Variants in N4BP2L2 observed in about 807,000 individuals in gnomAD.
The protein encoded by N4BP2L2 is NEDD4 binding protein 2 like 2.
N4BP2L2 carries 50 observed loss-of-function variants against 56.2 expected under a neutral mutation model. The ratio of observed to expected loss-of-function variants is 0.89; its 90% CI spans 0.71 to 1.13. The LOEUF (loss-of-function observed/expected upper bound fraction) is 1.13, where lower values mean the gene tolerates loss of function less well. Among genes scored for constraint, N4BP2L2 ranks in the 50% most tolerant of loss-of-function variants. The pLI is 0.00. For missense variants in N4BP2L2, 689 were observed against 693.8 expected (o/e 0.99, Z 0.08); for synonymous variants, 203 against 223.6 (o/e 0.91, Z 0.82).
chr13:32,486,606 G>C (rs574024409), intron 6 of N4BP2L2, among the ~76,000 whole-genome samples: 46 of 152,028 alleles, frequency 3.0e-4, no homozygotes, highest in Non-Finnish European at 5.1e-4. Context: ...AACCCGGGAG[G>C]CAAAAGTTGC....
intron 6 of N4BP2L2, chr13:32,477,901 AAGG>A: frequency 7.8e-7 from 1 of 1,289,396 alleles, no homozygotes; most frequent in Non-Finnish European, 1.0e-6. Context: ...CAAGAGATCA[AAGG>A]TTGAGAAAGT....
At chr13:32,460,877 A>G (rs1004653475) in intron 6 of N4BP2L2, among the ~76,000 whole-genome samples, 1 of 152,214 alleles carries the variant, frequency 6.6e-6, no homozygotes, top group African/African-American at 2.4e-5. Flanking sequence ...ATAAGGCTAT[A>G]GTAACCAAAA....
intron 6 of N4BP2L2, among the ~76,000 whole-genome samples, chr13:32,467,852 T>C (rs2081514168): frequency 6.6e-6 from 1 of 151,058 alleles, no homozygotes; most frequent in South Asian, 2.1e-4. Context: ...TATCTGGGCA[T>C]GGTGGCGGGT....
chr13:32,518,745 G>A (rs1016995192), intron 5 of N4BP2L2, among the ~76,000 whole-genome samples: 2 of 152,186 alleles, frequency 1.3e-5, no homozygotes, highest in African/African-American at 4.8e-5. Flanking sequence ...AATGCAAAGA[G>A]CTTCTGAGAT....
chr13:32,511,160 G>C (rs893797130), exon 6 of N4BP2L2: 2 of 152,138 alleles, frequency 1.3e-5, no homozygotes, highest in African/African-American at 2.4e-5. Flanking sequence ...ATTAATGACT[G>C]TAACAATCAC....
At chr13:32,466,471 G>A (rs1346058577) in intron 6 of N4BP2L2, among the ~76,000 whole-genome samples, 2 of 151,972 alleles carry the variant, frequency 1.3e-5, no homozygotes, top group African/African-American at 4.8e-5. Flanking sequence ...AGAGGCTGAG[G>A]CACAAGAATC....
At chr13:32,481,117 T>C (rs1230189263) in intron 6 of N4BP2L2, among the ~76,000 whole-genome samples, 2 of 9,504 alleles carry the variant, frequency 2.1e-4, no homozygotes, top group African/African-American at 7.5e-4. Flanking sequence ...AGACTCTGTC[T>C]CAAAAAAAAA....
chr13:32,488,106 C>G (rs1354673638), intron 6 of N4BP2L2, among the ~76,000 whole-genome samples: 2 of 152,152 alleles, frequency 1.3e-5, no homozygotes, highest in African/African-American at 4.8e-5. Flanking sequence ...ACACATGGAA[C>G]TAGGCTTAAA....
At chr13:32,484,820 C>A (rs1413749207) in intron 6 of N4BP2L2, among the ~76,000 whole-genome samples, 1 of 152,156 alleles carries the variant, frequency 6.6e-6, no homozygotes, top group African/African-American at 2.4e-5. Flanking sequence ...AAAATACAAT[C>A]TTGCCTTCAT....
chr13:32,472,330 G>C (rs536619086), intron 6 of N4BP2L2, among the ~76,000 whole-genome samples: 1 of 152,316 alleles, frequency 6.6e-6, no homozygotes, highest in African/African-American at 2.4e-5. Flanking sequence ...TCAATACTAA[G>C]AAGATTCCAC....
intron 6 of N4BP2L2, among the ~76,000 whole-genome samples, chr13:32,496,169 G>GA (rs1566125838): frequency 6.6e-6 from 1 of 151,162 alleles, no homozygotes. Context: ...TATTACTTCT[G>GA]AAAAAAGGCA....
chr13:32,442,820 G>C (rs1331134969), exon 7 of N4BP2L2: 2 of 1,613,578 alleles, frequency 1.2e-6, no homozygotes, highest in African/African-American at 2.7e-5. Flanking sequence ...GAATAACGCT[G>C]TCCATCAATA....
downstream of N4BP2L2, chr13:32,505,397 G>A (rs1213178800): frequency 2.0e-5 from 3 of 152,290 alleles, no homozygotes; most frequent in East Asian, 5.8e-4. Context: ...GGAAATGGTT[G>A]TCTTGCAACA....
chr13:32,533,350 A>G (rs576510534), intron 2 of N4BP2L2, among the ~76,000 whole-genome samples: 80 of 151,850 alleles, frequency 5.3e-4, no homozygotes, highest in Non-Finnish European at 9.4e-4. Flanking sequence ...CTCTCTCAGA[A>G]TATCATCCGA....
chr13:32,478,617 T>C (rs958909078), intron 6 of N4BP2L2: 5 of 152,822 alleles, frequency 3.3e-5, no homozygotes, highest in Non-Finnish European at 7.3e-5. Context: ...CTGGCTCTAC[T>C]GCAAAGGGGC....
chr13:32,446,612 A>C (rs2077088807), intron 6 of N4BP2L2: 1 of 1,031,292 alleles, frequency 9.7e-7, no homozygotes, highest in South Asian at 1.5e-5. Context: ...TAATGCACTT[A>C]ATGTATAGTC....
chr13:32,525,843 T>C (rs2052569088), intron 3 of N4BP2L2, among the ~76,000 whole-genome samples: 1 of 152,072 alleles, frequency 6.6e-6, no homozygotes, highest in Admixed American at 6.6e-5. Context: ...ATAACTAAAC[T>C]AAAAATCATC....
exon 2 of N4BP2L2, chr13:32,536,972 C>T: frequency 1.2e-6 from 2 of 1,608,870 alleles, no homozygotes; most frequent in Non-Finnish European, 1.7e-6. Flanking sequence ...GCGTGGCTCA[C>T]TCGTTACTTC....
Position 32,491,565 on chromosome 13 carries a change from T to C in N4BP2L2, c.365+26292A>G, listed in dbSNP as rs1184148395. Among the ~76,000 whole-genome samples, 7 of 147,406 alleles carry C rather than the reference T, an allele frequency of 4.7e-5. No homozygotes were observed. The South Asian group carries it at 8.3e-4, about 18-fold the overall frequency. On this transcript the variant is annotated intron_variant, in intron 6 of 9. Transcript: ENST00000357505. ...TATATACTATATATAAACTATACTA[T>C]ATATAAACTATATATAAATTATATA...
Sources: allele counts gnomAD v4.1 joint callset (sites outside exome capture counted in the v4.1 genomes callset), GRCh38; gene constraint gnomAD v4.1.1; transcripts MANE v1.5; gene names NCBI Gene and HGNC (gene_info 2026-07-23, HGNC 2026-07-21).